Variants in ARL15 observed in about 807,000 individuals in gnomAD.
ARL15 encodes ADP-ribosylation factor-like protein 15.
A neutral mutation model predicts 25.2 loss-of-function variants in ARL15; 19 were observed. The observed-to-expected ratio is 0.75, with a 90% confidence interval of 0.53 to 1.10. The LOEUF (loss-of-function observed/expected upper bound fraction) is 1.10. Among genes scored for constraint, ARL15 ranks in the 50% least tolerant of loss-of-function variants. ARL15 has a pLI of 0.00. For synonymous variants in ARL15, 94 were observed against 86.8 expected (o/e 1.08, Z -0.46); for missense variants, 220 against 246.0 (o/e 0.89, Z 0.71).
chr5:53,914,135 G>GCC (rs1186017888), intron 4 of ARL15, among the ~76,000 whole-genome samples: 21 of 75,486 alleles, frequency 2.8e-4, no homozygotes, highest in African/African-American at 6.8e-4. Flanking sequence ...AAGTGCACAG[G>GCC]CCCACACACA....
chr5:54,259,010 T>C (rs1029331604), intron 1 of ARL15, among the ~76,000 whole-genome samples: 3 of 152,226 alleles, frequency 2.0e-5, no homozygotes, highest in African/African-American at 4.8e-5. Context: ...TCAACCCTTG[T>C]TGTCCAGTGG....
intron 3 of ARL15, among the ~76,000 whole-genome samples, chr5:54,151,153 T>A (rs1754058152): frequency 6.6e-6 from 1 of 152,048 alleles, no homozygotes; most frequent in African/African-American, 2.4e-5. Flanking sequence ...GAAAAGGGAA[T>A]AAGGGCAAAA....
At chr5:53,983,134 T>C (rs1748180153) in intron 4 of ARL15, among the ~76,000 whole-genome samples, 1 of 152,192 alleles carries the variant, frequency 6.6e-6, no homozygotes, top group South Asian at 2.1e-4. Flanking sequence ...CGTATAGTAT[T>C]ATGTAGATAA....
At chr5:53,920,834 G>T (rs960803753) in intron 4 of ARL15, among the ~76,000 whole-genome samples, 1 of 152,158 alleles carries the variant, frequency 6.6e-6, no homozygotes, top group African/African-American at 2.4e-5. Flanking sequence ...CTGTAGCCAG[G>T]TGACTGAGTC....
chr5:54,036,585 GA>G (rs140910390), intron 4 of ARL15, among the ~76,000 whole-genome samples: 4,813 of 148,078 alleles, frequency 0.033, 98 homozygotes, highest in Non-Finnish European at 0.038. Flanking sequence ...TCACTTGGGG[GA>G]AAAAAAAAAC....
At chr5:54,278,139 T>TGGCTCCATG (rs1474987560) in intron 1 of ARL15, among the ~76,000 whole-genome samples, 2 of 152,240 alleles carry the variant, frequency 1.3e-5, no homozygotes, top group Non-Finnish European at 2.9e-5. Flanking sequence ...ATTGTGCTTC[T>TGGCTCCATG]GGCTCCATGA....
chr5:54,066,535 GATA>G (rs936976134), intron 4 of ARL15, among the ~76,000 whole-genome samples: 3 of 152,124 alleles, frequency 2.0e-5, no homozygotes, highest in Non-Finnish European at 4.4e-5. Context: ...ATTCAAAATT[GATA>G]ATATCTTTGA....
chr5:54,068,721 T>C (rs2112060016), intron 4 of ARL15, among the ~76,000 whole-genome samples: 1 of 152,358 alleles, frequency 6.6e-6, no homozygotes, highest in East Asian at 1.9e-4. Flanking sequence ...ATTGAAATGC[T>C]TATCAGGGTC....
intron 1 of ARL15, among the ~76,000 whole-genome samples, chr5:54,204,188 T>C (rs965767155): frequency 1.3e-5 from 2 of 152,160 alleles, no homozygotes; most frequent in African/African-American, 4.8e-5. Context: ...CCACAAAATA[T>C]CTTTTTGTGA....
intron 4 of ARL15, among the ~76,000 whole-genome samples, chr5:54,101,272 C>A (rs946296827): frequency 1.3e-5 from 2 of 151,894 alleles, no homozygotes; most frequent in African/African-American, 4.8e-5. Flanking sequence ...TCGGCTTTAC[C>A]AGGCTAAAGA....
chr5:54,179,829 C>T (rs774977813), intron 1 of ARL15, among the ~76,000 whole-genome samples: 9 of 151,860 alleles, frequency 5.9e-5, no homozygotes, highest in Non-Finnish European at 1.0e-4. Flanking sequence ...ACCAGCCTGG[C>T]CAACGTGGTG....
intron 4 of ARL15, among the ~76,000 whole-genome samples, chr5:53,899,908 C>T (rs1211582440): frequency 6.6e-6 from 1 of 152,094 alleles, no homozygotes; most frequent in East Asian, 1.9e-4. Flanking sequence ...TTTTTCCTCC[C>T]TACATCTATT....
chr5:54,207,654 T>C (rs922244850), intron 1 of ARL15, among the ~76,000 whole-genome samples: 2 of 152,052 alleles, frequency 1.3e-5, no homozygotes, highest in South Asian at 2.1e-4. Flanking sequence ...GAAGAACAAG[T>C]GGTAACTGGT....
intron 4 of ARL15, among the ~76,000 whole-genome samples, chr5:54,003,662 TTCTATCTATCTA>T (rs34463762): frequency 0.21 from 28,798 of 138,082 alleles, 3,145 homozygotes; most frequent in Admixed American, 0.25. Flanking sequence ...AATATTTTCT[TTCTATCTATCTA>T]TCTATCTATC....
At chr5:54,102,754 C>T (rs1228793054) in intron 4 of ARL15, among the ~76,000 whole-genome samples, 1 of 152,112 alleles carries the variant, frequency 6.6e-6, no homozygotes, top group Non-Finnish European at 1.5e-5. Context: ...CCAGATTTTC[C>T]ACTCTGGCCC....
At position 54,089,803 on chromosome 5, in the gene ARL15, A is replaced by G. The variant is rs1258422449; in HGVS notation, c.462+23399T>C. On this transcript the variant is annotated intron_variant, in intron 4 of 4. Transcript: ENST00000504924. ...TTAATATGTGCAGGCATGTATTAAT[A>G]TTATATTCAAATGAATCAAAAGGAT... Among the ~76,000 whole-genome samples the G allele has an allele frequency of 3.3e-5, 5 of 152,348 alleles. No individual in the cohort carries two copies. The East Asian group carries it at 5.8e-4, about 18-fold the overall frequency.
chr5:53,909,505 G>A (rs553498364), intron 4 of ARL15, among the ~76,000 whole-genome samples: 1 of 152,134 alleles, frequency 6.6e-6, no homozygotes, highest in South Asian at 2.1e-4. Flanking sequence ...TCAGGAGTTC[G>A]AGACCAGCCT....
chr5:53,891,124 A>C (rs369990036), intron 4 of ARL15, among the ~76,000 whole-genome samples: 10 of 152,320 alleles, frequency 6.6e-5, no homozygotes, highest in African/African-American at 2.4e-4. Flanking sequence ...AAAAATCTGC[A>C]AACTTCATTT....
chr5:54,203,102 A>T (rs1755767074), intron 1 of ARL15, among the ~76,000 whole-genome samples: 1 of 151,974 alleles, frequency 6.6e-6, no homozygotes, highest in South Asian at 2.1e-4. Flanking sequence ...TCTCCTCACA[A>T]CTTGGCCTCA....
Sources: allele counts gnomAD v4.1 joint callset (sites outside exome capture counted in the v4.1 genomes callset), GRCh38; gene constraint gnomAD v4.1.1; transcripts MANE v1.5; gene names NCBI Gene and HGNC (gene_info 2026-07-23, HGNC 2026-07-21).